Variants in PIAS2 observed in about 807,000 individuals in gnomAD.
PIAS2 encodes the protein E3 SUMO-protein ligase PIAS2.
Under a neutral mutation model 69.7 loss-of-function variants are expected in PIAS2, and 19 were observed. The ratio of observed to expected loss-of-function variants is 0.27; its 90% CI spans 0.19 to 0.40. The LOEUF is 0.40. Among genes scored for constraint, PIAS2 ranks in the 10% least tolerant of loss-of-function variants. The probability of loss-of-function intolerance (pLI) is 1.00; values close to 1 mark genes in which losing one functional copy is unlikely to be tolerated. For synonymous variants in PIAS2, 261 were observed against 263.2 expected (o/e 0.99, Z 0.08); for missense variants, 624 against 757.0 (o/e 0.82, Z 2.06).
At chr18:46,819,101 A>G (rs1027537022) in intron 12 of PIAS2, among the ~76,000 whole-genome samples, 3 of 152,112 alleles carry the variant, frequency 2.0e-5, no homozygotes, top group African/African-American at 7.2e-5. Context: ...AAATGGTAGG[A>G]TCACTTTAAT....
chr18:46,822,338 A>C (rs1482931572), intron 11 of PIAS2, among the ~76,000 whole-genome samples: 1 of 152,214 alleles, frequency 6.6e-6, no homozygotes, highest in Non-Finnish European at 1.5e-5. Context: ...TTTGATCAAA[A>C]ACTGATCCAT....
rs2042103308 is a variant in PIAS2, at chr18:46,820,954, T to C, written c.1627A>G (p.Ser543Gly). ...SVPFHHTPIS[S>G]MSSDLPGLDF... Reference sequence around the variant, plus strand: ...ATACCTGGCAAATCTGATGACATGCTTGATATTGGCGTATGGTGGAATGGT... The same window carrying C: ...ATACCTGGCAAATCTGATGACATGCCTGATATTGGCGTATGGTGGAATGGT... Residue 543 changes from serine (S) to glycine (G), a missense_variant, in exon 12 of 14, where the codon AGC becomes GGC. Physicochemically the swap from Ser to Gly is moderately conservative, Grantham distance 56. Coordinates refer to ENST00000585916, the MANE Select transcript of PIAS2 (RefSeq NM_004671.5). 1.2e-6 allele frequency: 2 copies of C among 1,612,204 alleles called. No individual in the cohort carries two copies. The highest frequency in any genetic ancestry group is 1.7e-5 in the Admixed American group (1 of 59,786).
chr18:46,874,194 A>C (rs184260350), intron 2 of PIAS2, among the ~76,000 whole-genome samples: 1 of 152,316 alleles, frequency 6.6e-6, no homozygotes, highest in Non-Finnish European at 1.5e-5. Flanking sequence ...CCATCGGAGG[A>C]AGAACCCTGG....
At chr18:46,822,708 A>G (rs535380907) in intron 11 of PIAS2, among the ~76,000 whole-genome samples, 13 of 152,262 alleles carry the variant, frequency 8.5e-5, no homozygotes, top group African/African-American at 3.1e-4. Flanking sequence ...ATAACATGAG[A>G]CCACCTCTCA....
chr18:46,841,368 C>T (rs571086711), intron 8 of PIAS2, among the ~76,000 whole-genome samples: 2 of 152,292 alleles, frequency 1.3e-5, no homozygotes, highest in East Asian at 3.9e-4. Flanking sequence ...GGGTTCACTT[C>T]TTATTTAAGT....
At chr18:46,837,316 T>C (rs1303410132) in intron 8 of PIAS2, among the ~76,000 whole-genome samples, 1 of 151,762 alleles carries the variant, frequency 6.6e-6, no homozygotes, top group South Asian at 2.1e-4. Flanking sequence ...GTGACAAATA[T>C]CCCATTACAG....
chr18:46,892,440 T>C (rs1050809703), intron 1 of PIAS2, among the ~76,000 whole-genome samples: 5 of 152,036 alleles, frequency 3.3e-5, no homozygotes, highest in Admixed American at 1.3e-4. Context: ...CACAAATTAA[T>C]AGAAGACACA....
intron 10 of PIAS2, 75 bp from the exon 11 acceptor site, chr18:46,828,205 T>C: frequency 7.7e-7 from 1 of 1,291,746 alleles, no homozygotes; most frequent in Non-Finnish European, 1.0e-6. Flanking sequence ...GAGTCTAGTA[T>C]ATTCAGTATA....
chr18:46,877,361 G>A (rs1452807577), intron 2 of PIAS2, among the ~76,000 whole-genome samples: 1 of 152,046 alleles, frequency 6.6e-6, no homozygotes, highest in African/African-American at 2.4e-5. Context: ...CTTTGTTCTC[G>A]AGATCAACTT....
chr18:46,887,055 AAT>A (rs1214972645), intron 2 of PIAS2, among the ~76,000 whole-genome samples: 1 of 152,166 alleles, frequency 6.6e-6, no homozygotes, highest in African/African-American at 2.4e-5. Flanking sequence ...ATAATTTGGC[AAT>A]ATGTTATCAA....
chr18:46,841,333 T>G (rs2145184187), intron 8 of PIAS2, among the ~76,000 whole-genome samples: 1 of 152,318 alleles, frequency 6.6e-6, no homozygotes, highest in East Asian at 1.9e-4. Context: ...ACTATCATTT[T>G]CTCTTGTTTT....
In PIAS2 at chr18:46,900,183, G is replaced by A. The variant is rs868433665; in HGVS notation, c.25-9129C>T. Among the ~76,000 whole-genome samples, 6 of 151,480 alleles carry A rather than the reference G, an allele frequency of 4.0e-5. No homozygotes were observed. In the South Asian group the frequency reaches 8.4e-4, roughly 21 times the overall value. ...AGTTCATGACCAGCCTGGCCAACAT[G>A]GTAAAACACAGTCTCTACAGAAAAT... On this transcript the variant is annotated intron_variant, in intron 1 of 13. Coordinates refer to ENST00000585916, the MANE Select transcript of PIAS2 (RefSeq NM_004671.5).
chr18:46,840,545 C>CACA (rs1190424608), intron 8 of PIAS2, among the ~76,000 whole-genome samples: 1 of 152,172 alleles, frequency 6.6e-6, no homozygotes, highest in Non-Finnish European at 1.5e-5. Flanking sequence ...TCTCTCCTGT[C>CACA]ACAGCCTTAA....
chr18:46,855,681 G>T, intron 3 of PIAS2, 66 bp from the exon 4 acceptor site: 1 of 1,233,086 alleles, frequency 8.1e-7, no homozygotes, highest in Non-Finnish European at 1.2e-6. Context: ...AGTCTCCCCA[G>T]GAGGAAAAAA....
At chr18:46,826,980 A>G (rs998276577) in intron 11 of PIAS2, 11 of 152,208 alleles carry the variant, frequency 7.2e-5, no homozygotes, top group Non-Finnish European at 1.6e-4. Flanking sequence ...ATAAACTACA[A>G]AAGAACATGA....
chr18:46,909,669 T>G lies in PIAS2; in HGVS notation c.24+7653A>C, dbSNP rs144560864. On this transcript the variant is annotated intron_variant, in intron 1 of 13. Transcript: ENST00000585916. ...CCTTTTTTGGAAGATAATCTGACAT[T>G]ATCCAATATTGGTGAATATGCACAC... is the stretch of plus-strand genomic sequence containing the variant. Among the ~76,000 whole-genome samples, 14 of 152,362 alleles carry G rather than the reference T, an allele frequency of 9.2e-5. No homozygotes were observed. In the East Asian group the frequency reaches 2.7e-3, roughly 29 times the overall value.
intron 2 of PIAS2, among the ~76,000 whole-genome samples, chr18:46,873,751 A>C (rs1261016280): frequency 1.3e-5 from 2 of 152,230 alleles, no homozygotes; most frequent in African/African-American, 4.8e-5. Context: ...TAGAAGAAAT[A>C]GCTATTGTTC....
At position 46,859,638 on chromosome 18, in the gene PIAS2, A is replaced by G. The variant is rs192179116; in HGVS notation, c.585-4023T>C. Among the ~76,000 whole-genome samples, 5 of 152,232 alleles carry G rather than the reference A, an allele frequency of 3.3e-5. No individual in the cohort carries two copies. In the East Asian group the frequency reaches 9.7e-4, roughly 29 times the overall value. On this transcript the variant is annotated intron_variant, in intron 3 of 13. Coordinates refer to ENST00000585916, the MANE Select transcript of PIAS2 (RefSeq NM_004671.5). ...ACTTCGCATCTTTGGTGCCTGGAAT[A>G]TTGTCTGGTCCATAGTAGACAGTTA...
At chr18:46,839,528 G>A (rs978244574) in intron 8 of PIAS2, among the ~76,000 whole-genome samples, 25 of 151,758 alleles carry the variant, frequency 1.6e-4, no homozygotes, top group Admixed American at 3.3e-4. Context: ...AGCCTACCAC[G>A]GTTTTTACAG....
Sources: allele counts gnomAD v4.1 joint callset (sites outside exome capture counted in the v4.1 genomes callset), GRCh38; gene constraint gnomAD v4.1.1; transcripts MANE v1.5; gene names NCBI Gene and HGNC (gene_info 2026-07-23, HGNC 2026-07-21).